Variants in ESRRG observed in about 807,000 individuals in gnomAD.
The protein encoded by ESRRG is estrogen-related receptor gamma.
In ESRRG, 13 loss-of-function variants were observed where a neutral mutation model predicts 44.0. The observed-to-expected ratio is 0.30, with a 90% CI of 0.19 to 0.47. The LOEUF is 0.47. Ranked by LOEUF, ESRRG falls within the 20% of genes least tolerant of loss-of-function variation. ESRRG has a pLI of 1.00. For synonymous variants in ESRRG, 215 were observed against 214.6 expected (o/e 1.00, Z -0.02); for missense variants, 395 against 580.6 (o/e 0.68, Z 3.29).
chr1:216,986,549 A>AAAT (rs758266827), intron 1 of ESRRG, among the ~76,000 whole-genome samples: 204 of 151,558 alleles, frequency 1.3e-3, no homozygotes, highest in Middle Eastern at 3.4e-3. Context: ...CGTCTCTGTA[A>AAAT]AATAATAATA....
At chr1:217,011,968 A>T (rs1483993426) in intron 1 of ESRRG, among the ~76,000 whole-genome samples, 4 of 152,188 alleles carry the variant, frequency 2.6e-5, no homozygotes, top group Non-Finnish European at 4.4e-5. Context: ...ATATTCCTAG[A>T]AGCCCCACCA....
chr1:216,519,002 A>C (rs2045241106), intron 6 of ESRRG, 150 bp downstream of exon 6: 1 of 634,306 alleles, frequency 1.6e-6, no homozygotes, highest in African/African-American at 1.9e-5. Context: ...CTTATTTCTA[A>C]CTTTTCACTA....
chr1:216,997,369 C>T (rs2076495500), intron 1 of ESRRG, among the ~76,000 whole-genome samples: 1 of 152,200 alleles, frequency 6.6e-6, no homozygotes, highest in Admixed American at 6.5e-5. Context: ...CTAGCAGCCA[C>T]TTCATTTAGC....
chr1:216,865,214 A>AAAAAAAAAAAAAAAAC (rs2096130615), intron 2 of ESRRG: 1 of 135,392 alleles, frequency 7.4e-6, no homozygotes, highest in African/African-American at 2.6e-5. Flanking sequence ...AAAAAAAAAA[A>AAAAAAAAAAAAAAAAC]AAAATTACCA....
At chr1:216,634,065 A>G (rs957170481) in intron 3 of ESRRG, among the ~76,000 whole-genome samples, 5 of 152,214 alleles carry the variant, frequency 3.3e-5, no homozygotes, top group African/African-American at 1.2e-4. Flanking sequence ...TCAGCAGTAA[A>G]CCACCAATGG....
intron 1 of ESRRG, among the ~76,000 whole-genome samples, chr1:216,698,518 C>CA (rs34454248): frequency 0.41 from 29,941 of 73,536 alleles, 6,679 homozygotes; most frequent in South Asian, 0.52. Context: ...GACTCAGTCT[C>CA]AAAAAAAAAA....
chr1:217,088,893 G>T (rs1041898443), intron 1 of ESRRG, among the ~76,000 whole-genome samples: 6 of 151,914 alleles, frequency 3.9e-5, no homozygotes, highest in Admixed American at 1.3e-4. Flanking sequence ...GAGGTAGATG[G>T]TTTAAAATAG....
intron 1 of ESRRG, among the ~76,000 whole-genome samples, chr1:217,009,115 C>T (rs1457622525): frequency 6.6e-6 from 1 of 152,158 alleles, no homozygotes; most frequent in Non-Finnish European, 1.5e-5. Flanking sequence ...CACCTTGCTT[C>T]CTTGTTACTA....
chr1:216,789,161 G>A (rs1423794629), intron 2 of ESRRG, among the ~76,000 whole-genome samples: 1 of 152,154 alleles, frequency 6.6e-6, no homozygotes, highest in East Asian at 1.9e-4. Context: ...AAGTTCTTCT[G>A]TGGGTAAAAT....
intron 2 of ESRRG, among the ~76,000 whole-genome samples, chr1:216,835,361 A>G (rs2095548124): frequency 6.6e-6 from 1 of 152,226 alleles, no homozygotes. Flanking sequence ...GAAGTGAGGT[A>G]CAGAAACATC....
At chr1:216,801,954 C>G (rs1049009740) in intron 2 of ESRRG, among the ~76,000 whole-genome samples, 1 of 152,102 alleles carries the variant, frequency 6.6e-6, no homozygotes, top group African/African-American at 2.4e-5. Context: ...AAGCAGAGAA[C>G]ATTTTATAAA....
chr1:216,693,671 T>C (rs2079538837), intron 1 of ESRRG, among the ~76,000 whole-genome samples: 1 of 152,218 alleles, frequency 6.6e-6, no homozygotes, highest in African/African-American at 2.4e-5. Flanking sequence ...TAGGGAATAA[T>C]GGCAATTAAA....
chr1:216,764,726 C>T (rs1370070805), intron 2 of ESRRG, among the ~76,000 whole-genome samples: 5 of 152,066 alleles, frequency 3.3e-5, no homozygotes, highest in Non-Finnish European at 7.4e-5. Flanking sequence ...AAATTTGTAT[C>T]CCTAAGAGAT....
upstream of ESRRG, among the ~76,000 whole-genome samples, chr1:217,092,222 A>G (rs866711246): frequency 4.6e-5 from 7 of 152,142 alleles, no homozygotes; most frequent in Non-Finnish European, 5.9e-5. Flanking sequence ...TCAAGTCTTT[A>G]TTTTCCGGCT....
chr1:216,831,550 G>C lies in ESRRG; in HGVS notation c.-14+108032C>G, dbSNP rs552338060. Among the ~76,000 whole-genome samples the C allele has an allele frequency of 6.6e-5, 10 of 151,872 alleles. No homozygotes were observed. The East Asian group carries it at 1.9e-3, about 29-fold the overall frequency. The stretch of plus-strand genomic sequence containing the variant: ...AGGGGGAGAGGGAGAGAAAGAGGGA[G>C]AGGAAGGGAGGAAGGAAAGAAGAGA... On this transcript the variant is annotated intron_variant, in intron 2 of 7. Transcript: ENST00000359162.
At chr1:216,908,981 A>C (rs1302163148) in intron 2 of ESRRG, among the ~76,000 whole-genome samples, 1 of 152,120 alleles carries the variant, frequency 6.6e-6, no homozygotes, top group Non-Finnish European at 1.5e-5. Context: ...GGGGATTAAA[A>C]ATTTTTTTTT....
intron 1 of ESRRG, among the ~76,000 whole-genome samples, chr1:216,953,561 G>T (rs11572466): frequency 0.018 from 2,683 of 151,788 alleles, 38 homozygotes; most frequent in Middle Eastern, 0.034. Flanking sequence ...CCCTATCCCC[G>T]ATACCTTCAT....
intron 5 of ESRRG, among the ~76,000 whole-genome samples, chr1:216,533,404 T>C (rs1004409424): frequency 6.6e-6 from 1 of 152,244 alleles, no homozygotes; most frequent in Admixed American, 6.5e-5. Flanking sequence ...CCTCAAGATA[T>C]GAGAGAGTGT....
chr1:216,932,704 C>T (rs1030958260), intron 2 of ESRRG, among the ~76,000 whole-genome samples: 7 of 142,506 alleles, frequency 4.9e-5, no homozygotes, highest in African/African-American at 1.6e-4. Flanking sequence ...GATACAGGTA[C>T]ATGCCACCAA....
Sources: gnomAD v4.1 joint callset for allele counts (sites outside exome capture counted in the v4.1 genomes callset) on GRCh38, gnomAD v4.1.1 for gene constraint, MANE v1.5 for transcripts, NCBI Gene and HGNC (gene_info 2026-07-23, HGNC 2026-07-21) for gene names.